GREM2: variants seen among roughly 807,000 people sequenced by gnomAD.
GREM2 encodes the protein gremlin 2, DAN family BMP antagonist, also known as gremlin-2.
Under a neutral mutation model 14.2 loss-of-function variants are expected in GREM2, and 11 were observed. That is an observed-to-expected ratio of 0.78 (90% CI 0.49 to 1.28). The LOEUF (loss-of-function observed/expected upper bound fraction) is 1.28. GREM2 is among the 50% of genes most tolerant of loss of function. The pLI, the probability that GREM2 is intolerant of heterozygous loss-of-function variation, is 0.00. For synonymous variants in GREM2, 98 were observed against 97.6 expected (o/e 1.00, Z -0.02); for missense variants, 210 against 218.5 (o/e 0.96, Z 0.24).
rs544793456 is a variant in GREM2 at position 240,502,079 on chromosome 1, C to T, written c.-1-8603G>A. ...CCCCTCTTCGACCTTCCTAGGACAG[C>T]ATTCTGTGTCCAGTGAGAGCTAAAA... On this transcript the variant is annotated intron_variant, in intron 1 of 1. Transcript: ENST00000318160. Among the ~76,000 whole-genome samples, 660 of 152,236 alleles carry T rather than the reference C, an allele frequency of 4.3e-3. 3 individuals carry two copies. Among genetic ancestry groups the T allele is most frequent in the African/African-American group, 0.015 (620 of 41,538 alleles).
intron 1 of GREM2, among the ~76,000 whole-genome samples, chr1:240,510,396 A>G (rs978604408): frequency 6.9e-6 from 1 of 144,098 alleles, no homozygotes; most frequent in South Asian, 2.2e-4. Context: ...AAAAAAAAAA[A>G]AAATCAAATG....
rs148113178 is a variant in GREM2 at position 240,589,357 on chromosome 1, C to T, written c.-2+22527G>A. On this transcript the variant is annotated intron_variant, in intron 1 of 1. Transcript: ENST00000318160. Reference sequence around the variant, plus strand: ...GTCTGAGGGAGAAGAACCGCTTGAACCCGGGAGGCAGAGGTTGTGTTGAGC... The same window carrying T: ...GTCTGAGGGAGAAGAACCGCTTGAATCCGGGAGGCAGAGGTTGTGTTGAGC... Among the ~76,000 whole-genome samples, 1,422 of 151,770 alleles carry T rather than the reference C, an allele frequency of 9.4e-3. 25 individuals are homozygous for T. Among genetic ancestry groups the T allele is most frequent in the African/African-American group, 0.033 (1,353 of 41,362 alleles).
rs1678619522 is a variant in GREM2, at chr1:240,542,661, A to G, written c.-1-49185T>C. The stretch of plus-strand genomic sequence containing the variant: ...AAATAAAAATTTCTAAAGAGCTGAT[A>G]TATTTTTCTCAGAAGGCTTGATCAC... On this transcript the variant is annotated intron_variant, in intron 1 of 1. Transcript: ENST00000318160. The surrounding 1 kb of genome is among the most constrained non-coding windows in gnomAD (Gnocchi z 4.1). 6.6e-6 allele frequency among the ~76,000 whole-genome samples: 1 copy of G among 151,916 alleles called. No homozygotes were observed. Among genetic ancestry groups the G allele is most frequent in the African/African-American group, 2.4e-5 (1 of 41,386 alleles).
intron 1 of GREM2, among the ~76,000 whole-genome samples, chr1:240,522,979 AT>A (rs1161257421): frequency 3.9e-5 from 6 of 152,264 alleles, no homozygotes; most frequent in African/African-American, 1.4e-4. Flanking sequence ...CTATTTATAT[AT>A]TTTTGAATGG....
At position 240,540,753 on chromosome 1, in the gene GREM2, G is replaced by A. The variant is rs148816378; in HGVS notation, c.-1-47277C>T. Among the ~76,000 whole-genome samples the A allele has an allele frequency of 5.1e-4, 77 of 152,192 alleles. 1 individual carries two copies. Among genetic ancestry groups the A allele is most frequent in the African/African-American group, 1.4e-3 (59 of 41,540 alleles). Reference sequence around the variant, plus strand: ...AATTTTTGTATTTTTAGTAGAGACAGGGTTTCACCATGTTGACCAGGGTGG... The same window carrying A: ...AATTTTTGTATTTTTAGTAGAGACAAGGTTTCACCATGTTGACCAGGGTGG... On this transcript the variant is annotated intron_variant, in intron 1 of 1. Coordinates refer to ENST00000318160, the MANE Select transcript of GREM2 (RefSeq NM_022469.4). The surrounding 1 kb of genome is among the most constrained non-coding windows in gnomAD (Gnocchi z 4.2).
At chr1:240,585,013 G>A (rs2102859351) in intron 1 of GREM2, among the ~76,000 whole-genome samples, 1 of 152,216 alleles carries the variant, frequency 6.6e-6, no homozygotes, top group Middle Eastern at 3.4e-3. Flanking sequence ...TAGTTTACTA[G>A]AGAGAAGATG....
At chr1:240,609,562 C>T (rs1244860819) in intron 1 of GREM2, among the ~76,000 whole-genome samples, 7 of 152,030 alleles carry the variant, frequency 4.6e-5, no homozygotes, top group Admixed American at 3.3e-4. Context: ...CCATTTAAGC[C>T]GAGTGCTGGG....
At chr1:240,524,339 A>G (rs1678175944) in intron 1 of GREM2, among the ~76,000 whole-genome samples, 1 of 152,230 alleles carries the variant, frequency 6.6e-6, no homozygotes, top group Admixed American at 6.5e-5. Flanking sequence ...GGTAATTTAC[A>G]TATTATACTC....
At chr1:240,583,263 G>A (rs73113799) in intron 1 of GREM2, among the ~76,000 whole-genome samples, 3,577 of 152,086 alleles carry the variant, frequency 0.024, 111 homozygotes, top group African/African-American at 0.063. Context: ...GGAAAAAAAA[G>A]GGCAAAAAAA....
intron 1 of GREM2, among the ~76,000 whole-genome samples, chr1:240,556,853 G>A (rs956381747): frequency 3.3e-5 from 5 of 152,102 alleles, no homozygotes; most frequent in Admixed American, 2.0e-4. Context: ...GGACCACTGC[G>A]AAAGGTCGAA....
intron 1 of GREM2, among the ~76,000 whole-genome samples, chr1:240,522,288 G>A (rs776450884): frequency 7.2e-5 from 11 of 152,150 alleles, no homozygotes; most frequent in Non-Finnish European, 8.8e-5. Flanking sequence ...AGGGAAAGCC[G>A]TGAATAACAC....
At chr1:240,585,251 A>C (rs1214923809) in intron 1 of GREM2, among the ~76,000 whole-genome samples, 1 of 152,106 alleles carries the variant, frequency 6.6e-6, no homozygotes, top group Non-Finnish European at 1.5e-5. Flanking sequence ...GGTGCAGTTT[A>C]AAGGAGACAC....
At chr1:240,606,799 C>A (rs1171052615) in intron 1 of GREM2, among the ~76,000 whole-genome samples, 1 of 152,030 alleles carries the variant, frequency 6.6e-6, no homozygotes, top group Non-Finnish European at 1.5e-5. Context: ...CTGCCACAGC[C>A]TCCCAAGTAG....
At position 240,549,336 on chromosome 1, in the gene GREM2, C is replaced by CA. The variant is rs55943785; in HGVS notation, c.-1-55861dup. ...GGGCAACAAGAGAGAAACTCCATCT[C>CA]AAAAAAAAAAAAAAGAAAAGAAAGA... is the stretch of plus-strand genomic sequence containing the variant. On this transcript the variant is annotated intron_variant, in intron 1 of 1. Transcript: ENST00000318160. Among the ~76,000 whole-genome samples, 602 of 126,152 alleles carry CA rather than the reference C, an allele frequency of 4.8e-3. 4 individuals carry two copies. Among genetic ancestry groups the CA allele is most frequent in the African/African-American group, 0.011 (400 of 36,586 alleles). The allele number at this position is 126,152 out of a possible 152,430, so 82.8% of individuals were successfully genotyped here. A position where few individuals can be genotyped will look rare whatever the true frequency, so the allele number is the denominator to read the frequency against.
At position 240,537,437 on chromosome 1, in the gene GREM2, A is replaced by G. The variant is rs938060616; in HGVS notation, c.-1-43961T>C. Among the ~76,000 whole-genome samples the G allele has an allele frequency of 1.4e-4, 21 of 152,252 alleles. 1 individual carries two copies. The highest frequency in any genetic ancestry group is 1.3e-3 in the Admixed American group (20 of 15,292). On this transcript the variant is annotated intron_variant, in intron 1 of 1. Coordinates refer to ENST00000318160, the MANE Select transcript of GREM2 (RefSeq NM_022469.4). ...GATGGACACTTAAGAAGTGTAGTAG[A>G]TGCAAAAAACAGCACTGACAAAAAA...
At chr1:240,527,775 T>G (rs1161385765) in intron 1 of GREM2, among the ~76,000 whole-genome samples, 2 of 152,192 alleles carry the variant, frequency 1.3e-5, no homozygotes, top group African/African-American at 2.4e-5. Context: ...AGTCTCTAAT[T>G]ACTTGTCTAA....
At chr1:240,571,140 A>G (rs1679253894) in intron 1 of GREM2, among the ~76,000 whole-genome samples, 1 of 152,210 alleles carries the variant, frequency 6.6e-6, no homozygotes, top group Admixed American at 6.5e-5. Flanking sequence ...CTTCATGTAA[A>G]AAAACTTCCA....
At chr1:240,528,917 C>T (rs1293163157) in intron 1 of GREM2, among the ~76,000 whole-genome samples, 3 of 152,176 alleles carry the variant, frequency 2.0e-5, no homozygotes, top group African/African-American at 7.2e-5. Context: ...CCTACATCCC[C>T]GAGAAAGGGC....
chr1:240,590,994 C>G (rs188927083), intron 1 of GREM2, among the ~76,000 whole-genome samples: 6 of 151,086 alleles, frequency 4.0e-5, no homozygotes, highest in South Asian at 2.1e-4. Flanking sequence ...GTTGGCCAGG[C>G]TGGTCTCAAA....
Sources: gnomAD v4.1 joint callset for allele counts (sites outside exome capture counted in the v4.1 genomes callset) on GRCh38, gnomAD v4.1.1 for gene constraint, Gnocchi (gnomAD v3.1) non-coding constraint, MANE v1.5 for transcripts, NCBI Gene and HGNC (gene_info 2026-07-23, HGNC 2026-07-21) for gene names.